The following DPP6 variants were observed in gnomAD, a reference collection of about 807,000 sequenced individuals.
The protein encoded by DPP6 is A-type potassium channel modulatory protein DPP6.
Under a neutral mutation model 122.6 loss-of-function variants are expected in DPP6, and 69 were observed. The observed-to-expected ratio is 0.56, with a 90% CI of 0.46 to 0.69. The LOEUF is 0.69. Ranked by LOEUF, DPP6 falls within the 30% of genes least tolerant of loss-of-function variation. The pLI, the probability that DPP6 is intolerant of heterozygous loss-of-function variation, is 0.00. For missense variants in DPP6, 928 were observed against 1,116.9 expected, an observed-to-expected ratio of 0.83 and a Z score of 2.41; for synonymous variants, 418 against 433.1, an observed-to-expected ratio of 0.97 and a Z score of 0.43.
chr7:153,860,958 T>C, the DPP6 span, among the ~76,000 whole-genome samples: 1 of 152,220 alleles, frequency 6.6e-6, no homozygotes, highest in Non-Finnish European at 1.5e-5. Flanking sequence ...AAAGCATTAC[T>C]GAGATGCTTA....
At chr7:154,064,634 G>A (rs4067510) in intron 1 of DPP6, among the ~76,000 whole-genome samples, 1 of 152,126 alleles carries the variant, frequency 6.6e-6, no homozygotes, top group Non-Finnish European at 1.5e-5. Context: ...TTCTATCTGT[G>A]TCCCTAACTC....
rs534379097 is a variant in DPP6 at position 154,060,370 on chromosome 7, C to T, written c.243+7307C>T. Among the ~76,000 whole-genome samples, 111 of 118,730 alleles carry T rather than the reference C, an allele frequency of 9.3e-4. 2 individuals are homozygous for T. The highest frequency in any genetic ancestry group is 3.5e-3 in the African/African-American group (104 of 29,456). 77.9% of individuals were successfully genotyped at this position (118,730 alleles called of 152,430 possible). ...CGCGAGGCAGGGACTGAGAGCCAGC[C>T]CCTGGTTCCCCCACTGGCTCTTAGG... On this transcript the variant is annotated intron_variant, in intron 1 of 25. Coordinates refer to ENST00000377770, the MANE Select transcript of DPP6 (RefSeq NM_130797.4).
At chr7:153,875,000 A>G in the DPP6 span, among the ~76,000 whole-genome samples, 4 of 152,184 alleles carry the variant, frequency 2.6e-5, no homozygotes, top group African/African-American at 9.7e-5. Flanking sequence ...GAAAAATCCA[A>G]CAGATATTAG....
chr7:154,102,887 G>A (rs1412627196), intron 1 of DPP6, among the ~76,000 whole-genome samples: 1 of 152,108 alleles, frequency 6.6e-6, no homozygotes, highest in Non-Finnish European at 1.5e-5. Context: ...GGATTTTATG[G>A]AATACTAATC....
chr7:154,788,491 G>T (rs903542624), intron 10 of DPP6, among the ~76,000 whole-genome samples: 4 of 150,932 alleles, frequency 2.7e-5, no homozygotes, highest in Admixed American at 1.3e-4. Flanking sequence ...AAAATATATT[G>T]GTTGTTAAAA....
intron 11 of DPP6, 58 bp from the exon 12 acceptor site, chr7:154,795,784 CAAA>C (rs376336221): frequency 8.5e-7 from 1 of 1,176,128 alleles, no homozygotes. Flanking sequence ...ACAATACATG[CAAA>C]AAAAAAAAAG....
chr7:154,561,493 A>G (rs1267560009), intron 4 of DPP6, among the ~76,000 whole-genome samples: 1 of 152,256 alleles, frequency 6.6e-6, no homozygotes, highest in Non-Finnish European at 1.5e-5. Context: ...ATTTCTAAAT[A>G]ACAAATCAGC....
intron 4 of DPP6, among the ~76,000 whole-genome samples, chr7:154,553,338 G>A (rs1400528555): frequency 2.6e-5 from 4 of 152,170 alleles, no homozygotes; most frequent in African/African-American, 7.2e-5. Context: ...GCTCATGGGT[G>A]GAGAGATGTC....
At chr7:154,829,491 G>A (rs1800456672) in intron 16 of DPP6, among the ~76,000 whole-genome samples, 1 of 53,884 alleles carries the variant, frequency 1.9e-5, no homozygotes, top group Non-Finnish European at 4.8e-5. Context: ...AAGGACAGAA[G>A]GAGGGAAGGA....
At chr7:154,143,510 C>G (rs913292787) in intron 1 of DPP6, among the ~76,000 whole-genome samples, 1 of 150,540 alleles carries the variant, frequency 6.6e-6, no homozygotes, top group Non-Finnish European at 1.5e-5. Flanking sequence ...TACAGGTAAA[C>G]AAACAAAAGG....
the DPP6 span, among the ~76,000 whole-genome samples, chr7:153,838,896 TAGG>T: frequency 0.04 from 6,107 of 152,268 alleles, 304 homozygotes; most frequent in East Asian, 0.23. Context: ...ATTGAAAAAT[TAGG>T]AGCATTCCTG....
chr7:153,792,818 G>A, the DPP6 span, among the ~76,000 whole-genome samples: 1 of 151,970 alleles, frequency 6.6e-6, no homozygotes, highest in African/African-American at 2.4e-5. Flanking sequence ...GACCCAGGGG[G>A]AGGTAACTGA....
chr7:154,769,567 C>T lies in DPP6; in HGVS notation c.1034C>T (p.Pro345Leu). The change falls in exon 9 of 26, where the codon CCC becomes CTC. Residue 345 changes from proline (P) to leucine (L), a missense_variant. Transcript: ENST00000377770. The part of the protein sequence containing the change: ...IYPTVKPYHY[P>L]KAGSENPSIS... ...CCCACCGTGAAGCCCTACCACTATCCCAAGGTAGGCAAAGGGACACCGCAC... is the reference window on the plus strand; with the variant it reads ...CCCACCGTGAAGCCCTACCACTATCTCAAGGTAGGCAAAGGGACACCGCAC... The T allele has an allele frequency of 3.1e-6, 5 of 1,597,720 alleles. No individual in the cohort carries two copies. The highest frequency in any genetic ancestry group is 4.3e-6 in the Non-Finnish European group (5 of 1,169,894).
At chr7:153,919,676 G>A (rs1003283091) in intron 1 of DPP6, among the ~76,000 whole-genome samples, 7 of 152,144 alleles carry the variant, frequency 4.6e-5, no homozygotes, top group African/African-American at 1.7e-4. Context: ...GCCCCAATAG[G>A]TCTGTTTTAT....
intron 19 of DPP6, among the ~76,000 whole-genome samples, chr7:154,874,617 C>T (rs1584952492): frequency 6.6e-6 from 1 of 152,258 alleles, no homozygotes; most frequent in South Asian, 2.1e-4. Flanking sequence ...GAGCGCGCCG[C>T]TCCTGGCCCG....
rs145490065 is a variant in DPP6, at chr7:154,260,053, A to G, written c.244-186161A>G. On this transcript the variant is annotated intron_variant, in intron 1 of 25. Coordinates refer to ENST00000377770, the MANE Select transcript of DPP6 (RefSeq NM_130797.4). The stretch of plus-strand genomic sequence containing the variant: ...GTCCTCTCTAGAGAATTGACATGTG[A>G]ATCCCGAGGTGCCCAAAAGGAGTGG... 7.7e-3 allele frequency among the ~76,000 whole-genome samples: 1,179 copies of G among 152,246 alleles called. 25 individuals are homozygous for G. The highest frequency in any genetic ancestry group is 0.026 in the African/African-American group (1,060 of 41,548).
At chr7:153,914,017 C>T (rs1022068432) in intron 1 of DPP6, among the ~76,000 whole-genome samples, 8 of 152,256 alleles carry the variant, frequency 5.3e-5, no homozygotes, top group South Asian at 2.1e-4. Context: ...TTGGTGATAA[C>T]GGTTTGGCTG....
chr7:154,060,278 C>A (rs1470752164), intron 1 of DPP6, among the ~76,000 whole-genome samples: 1 of 131,606 alleles, frequency 7.6e-6, no homozygotes, highest in Admixed American at 7.4e-5. Flanking sequence ...GAGGCAGGGA[C>A]TGAGAGGCAA....
At chr7:153,872,702 CTG>C in the DPP6 span, among the ~76,000 whole-genome samples, 12 of 152,128 alleles carry the variant, frequency 7.9e-5, no homozygotes, top group Non-Finnish European at 1.5e-4. Context: ...GATGGGGAAA[CTG>C]AGGCATGGGG....
Sources: allele counts gnomAD v4.1 joint callset (sites outside exome capture counted in the v4.1 genomes callset), GRCh38; gene constraint gnomAD v4.1.1; transcripts MANE v1.5; gene names NCBI Gene and HGNC (gene_info 2026-07-23, HGNC 2026-07-21).